Variants in SNX1 observed in about 807,000 individuals in gnomAD.
SNX1 encodes the protein sorting nexin 1.
A neutral mutation model predicts 71.8 loss-of-function variants in SNX1; 36 were observed. The ratio of observed to expected loss-of-function variants is 0.50; its 90% confidence interval spans 0.38 to 0.66. The LOEUF (loss-of-function observed/expected upper bound fraction) is 0.66, where lower values mean the gene tolerates loss of function less well. Ranked by LOEUF, SNX1 falls within the 30% of genes least tolerant of loss-of-function variation. The pLI, the probability that SNX1 is intolerant of heterozygous loss-of-function variation, is 0.00. For synonymous variants in SNX1, 254 were observed against 240.7 expected (o/e 1.06, Z -0.51); for missense variants, 612 against 646.7 (o/e 0.95, Z 0.58).
chr15:64,100,188 T>C (rs1212186021), intron 1 of SNX1, among the ~76,000 whole-genome samples: 1 of 152,206 alleles, frequency 6.6e-6, no homozygotes, highest in African/African-American at 2.4e-5. Flanking sequence ...AATCATCCCA[T>C]CTGCTCTCTT....
At chr15:64,111,399 A>G (rs914359531) in intron 1 of SNX1, 1 of 152,248 alleles carries the variant, frequency 6.6e-6, no homozygotes, top group Non-Finnish European at 1.5e-5. Flanking sequence ...TTGTTTGCTC[A>G]TATAAGTCTA....
intron 1 of SNX1, among the ~76,000 whole-genome samples, chr15:64,100,554 G>A (rs1264999210): frequency 1.4e-5 from 2 of 141,708 alleles, no homozygotes; most frequent in South Asian, 2.4e-4. Context: ...GCAGTGAGCC[G>A]AGATCGTGCC....
chr15:64,112,631 A>T lies in SNX1; in HGVS notation c.218A>T (p.Lys73Ile). ...CTTCTTCCCATCAACAATGGCTCCAAAGAAAATGGGATCCATGAAGAACAA... is the reference window on the plus strand; with the variant it reads ...CTTCTTCCCATCAACAATGGCTCCATAGAAAATGGGATCCATGAAGAACAA... ...TSLLPINNGSKENGIHEEQDQ... is the reference protein window; with the variant it reads ...TSLLPINNGSIENGIHEEQDQ... The change falls in exon 2 of 15, where the codon AAA becomes ATA. Residue 73 changes from lysine (K) to isoleucine (I), a missense_variant. Physicochemically the swap from Lys to Ile is moderately radical, Grantham distance 102. Coordinates refer to ENST00000559844, the MANE Select transcript of SNX1 (RefSeq NM_003099.5). 1.9e-6 allele frequency: 3 copies of T among 1,613,826 alleles called. No homozygotes were observed. Among genetic ancestry groups the T allele is most frequent in the African/African-American group, 2.7e-5 (2 of 75,032 alleles).
rs954566063 is a variant in SNX1, at chr15:64,140,317, T to C, written c.*2699T>C. ...TTATTCACTTGTTTATCAATATGGA[T>C]GCAGGGATTCCTGTTTTACTCAGAG... On this transcript the variant is annotated 3_prime_UTR_variant, in exon 15 of 15. Coordinates refer to ENST00000559844, the MANE Select transcript of SNX1 (RefSeq NM_003099.5). 1.2e-4 allele frequency: 18 copies of C among 152,282 alleles called. No individual in the cohort carries two copies. The highest frequency in any genetic ancestry group is 2.9e-5 in the Non-Finnish European group (2 of 68,048). The allele number at this position is 152,282 out of a possible 1,614,324, so 9.4% of individuals were successfully genotyped here.
At chr15:64,104,576 G>A (rs115047870) in intron 1 of SNX1, among the ~76,000 whole-genome samples, 1,642 of 151,774 alleles carry the variant, frequency 0.011, 24 homozygotes, top group African/African-American at 0.038. Context: ...CCCGGCCCAG[G>A]GAGAAGACTT....
chr15:64,122,438 A>G (rs552429995), intron 4 of SNX1, among the ~76,000 whole-genome samples: 1 of 152,332 alleles, frequency 6.6e-6, no homozygotes, highest in East Asian at 1.9e-4. Context: ...GGGGAAGTAT[A>G]GCAGACAAGC....
At chr15:64,102,766 T>TTA (rs1299290007) in intron 1 of SNX1, among the ~76,000 whole-genome samples, 2 of 139,916 alleles carry the variant, frequency 1.4e-5, no homozygotes, top group Non-Finnish European at 3.1e-5. Context: ...GCCTTCTTTT[T>TTA]TTTTTTTTTT....
intron 1 of SNX1, among the ~76,000 whole-genome samples, chr15:64,108,222 C>G (rs2081042721): frequency 6.6e-6 from 1 of 151,774 alleles, no homozygotes; most frequent in Non-Finnish European, 1.5e-5. Flanking sequence ...TAAAGCAATG[C>G]TTATTTTTAG....
chr15:64,142,850 T>C lies in SNX1; in HGVS notation c.*5232T>C, dbSNP rs969193076. Reference sequence around the variant, plus strand: ...CCTACACAAAAATACCAGCAACTGTTAACTCTTCCCAGAAGATTTTCATTC... The same window carrying C: ...CCTACACAAAAATACCAGCAACTGTCAACTCTTCCCAGAAGATTTTCATTC... On this transcript the variant is annotated 3_prime_UTR_variant, in exon 15 of 15. Coordinates refer to ENST00000559844, the MANE Select transcript of SNX1 (RefSeq NM_003099.5). The C allele has an allele frequency of 3.0e-6, 1 of 337,438 alleles. No homozygotes were observed. Among genetic ancestry groups the C allele is most frequent in the Non-Finnish European group, 5.9e-6 (1 of 169,426 alleles). 20.9% of individuals were successfully genotyped at this position (337,438 alleles called of 1,614,324 possible).
intron 12 of SNX1, among the ~76,000 whole-genome samples, chr15:64,136,089 G>T (rs1226578202): frequency 6.6e-6 from 1 of 152,174 alleles, no homozygotes; most frequent in Non-Finnish European, 1.5e-5. Context: ...CTTCTTGAAG[G>T]ACCACACTTG....
chr15:64,114,425 A>G (rs2081108435), intron 2 of SNX1, among the ~76,000 whole-genome samples: 3 of 152,238 alleles, frequency 2.0e-5, no homozygotes. Flanking sequence ...AGAAAATGGT[A>G]TCATTATAGA....
chr15:64,106,509 A>T lies in SNX1; in HGVS notation c.160-6064A>T, dbSNP rs191945194. Among the ~76,000 whole-genome samples, 4 of 152,288 alleles carry T rather than the reference A, an allele frequency of 2.6e-5. No individual in the cohort carries two copies. In the East Asian group the frequency reaches 7.7e-4, roughly 29 times the overall value. On this transcript the variant is annotated intron_variant, in intron 1 of 14. Coordinates refer to ENST00000559844, the MANE Select transcript of SNX1 (RefSeq NM_003099.5). ...GAATAATGCCCCCCTTCCTTTTCCC[A>T]AAGAAGTCCACATCTTAATCCTGCA... is the stretch of plus-strand genomic sequence containing the variant.
intron 11 of SNX1, among the ~76,000 whole-genome samples, chr15:64,132,618 G>A (rs2081318395): frequency 6.6e-6 from 1 of 152,194 alleles, no homozygotes; most frequent in Non-Finnish European, 1.5e-5. Context: ...CCAAGAGGAA[G>A]CCTGGCACCT....
chr15:64,121,294 C>A (rs534424579), intron 4 of SNX1, among the ~76,000 whole-genome samples: 100 of 152,314 alleles, frequency 6.6e-4, no homozygotes, highest in Admixed American at 1.4e-3. Context: ...GGCCAGAAAT[C>A]TCAAATCCTG....
chr15:64,098,967 C>A (rs1056695955), intron 1 of SNX1, among the ~76,000 whole-genome samples: 3 of 152,120 alleles, frequency 2.0e-5, no homozygotes, highest in African/African-American at 7.2e-5. Context: ...GCTGCCCATC[C>A]TGATGTTAAT....
At chr15:64,113,354 T>C in intron 2 of SNX1, among the ~76,000 whole-genome samples, 1 of 152,254 alleles carries the variant, frequency 6.6e-6, no homozygotes, top group Non-Finnish European at 1.5e-5. Flanking sequence ...AGAAGACATT[T>C]GGAAATGGTT....
At chr15:64,115,168 T>C (rs1482226578) in intron 2 of SNX1, among the ~76,000 whole-genome samples, 2 of 152,224 alleles carry the variant, frequency 1.3e-5, no homozygotes, top group Non-Finnish European at 2.9e-5. Flanking sequence ...TTGGGTTTTA[T>C]ACACATGAAC....
At chr15:64,131,307 G>A (rs3848143) in intron 10 of SNX1, among the ~76,000 whole-genome samples, 109,050 of 152,088 alleles carry the variant, frequency 0.72, 39,834 homozygotes, top group East Asian at 0.81. Flanking sequence ...ATGTGCACAT[G>A]TATTCACTCT....
At chr15:64,127,371 G>T in intron 7 of SNX1, 119 bp downstream of exon 7, 1 of 749,020 alleles carries the variant, frequency 1.3e-6, no homozygotes, top group Non-Finnish European at 2.2e-6. Context: ...AATTGAAGTT[G>T]CACACCTCCA....
Sources: allele counts gnomAD v4.1 joint callset (sites outside exome capture counted in the v4.1 genomes callset), GRCh38; gene constraint gnomAD v4.1.1; transcripts MANE v1.5; gene names NCBI Gene and HGNC (gene_info 2026-07-23, HGNC 2026-07-21).